NKAIN2: variants seen among roughly 807,000 people sequenced by gnomAD.
NKAIN2 encodes the protein sodium/potassium-transporting ATPase subunit beta-1-interacting protein 2.
In NKAIN2, 14 loss-of-function variants were observed where a neutral mutation model predicts 32.6. The observed-to-expected ratio is 0.43, with a 90% CI of 0.28 to 0.67. The LOEUF (loss-of-function observed/expected upper bound fraction) is 0.67. Among genes scored for constraint, NKAIN2 ranks in the 30% least tolerant of loss-of-function variants. The pLI, the probability that NKAIN2 is intolerant of heterozygous loss-of-function variation, is 0.17. For synonymous variants in NKAIN2, 80 were observed against 87.2 expected (o/e 0.92, Z 0.46); for missense variants, 198 against 258.3 (o/e 0.77, Z 1.60).
intron 4 of NKAIN2, among the ~76,000 whole-genome samples, chr6:124,676,617 A>G (rs1366497686): frequency 6.6e-6 from 1 of 151,930 alleles, no homozygotes; most frequent in East Asian, 1.9e-4. Context: ...ATTTATTTTT[A>G]GAGACAGAGT....
chr6:124,384,914 T>C (rs964548124), intron 3 of NKAIN2, among the ~76,000 whole-genome samples: 1 of 152,182 alleles, frequency 6.6e-6, no homozygotes, highest in African/African-American at 2.4e-5. Flanking sequence ...TGAGCCACTC[T>C]GCCCGTCTCT....
At chr6:124,509,129 G>A (rs953127019) in intron 3 of NKAIN2, among the ~76,000 whole-genome samples, 1 of 152,294 alleles carries the variant, frequency 6.6e-6, no homozygotes, top group South Asian at 2.1e-4. Context: ...TGTAGAAGTA[G>A]TGTGGGATGG....
chr6:124,437,423 C>T (rs1350419792), intron 3 of NKAIN2, among the ~76,000 whole-genome samples: 1 of 152,160 alleles, frequency 6.6e-6, no homozygotes, highest in Non-Finnish European at 1.5e-5. Context: ...TGATCACAAG[C>T]CGTTATGTTC....
At chr6:124,627,813 C>T (rs528489202) in intron 3 of NKAIN2, among the ~76,000 whole-genome samples, 1 of 152,246 alleles carries the variant, frequency 6.6e-6, no homozygotes, top group Admixed American at 6.5e-5. Context: ...CACCTCACCA[C>T]CCCCACGGCG....
chr6:124,809,021 T>C (rs1236295588), intron 5 of NKAIN2, among the ~76,000 whole-genome samples: 2 of 152,112 alleles, frequency 1.3e-5, no homozygotes, highest in African/African-American at 4.8e-5. Context: ...TGCTCATGGG[T>C]AAGAAGAATC....
Position 123,911,807 on chromosome 6 carries a change from A to ATATATATGTGTATATATATATATG in NKAIN2, c.54+107559_54+107560insTGTGTATATATATATATGTATATA, listed in dbSNP as rs1473572416. Among the ~76,000 whole-genome samples, 122 of 103,724 alleles carry ATATATATGTGTATATATATATATG rather than the reference A, an allele frequency of 1.2e-3. 4 individuals carry two copies. Among genetic ancestry groups the ATATATATGTGTATATATATATATG allele is most frequent in the African/African-American group, 5.1e-3 (117 of 22,850 alleles). 68.0% of individuals were successfully genotyped at this position (103,724 alleles called of 152,430 possible). Reference sequence around the variant, plus strand: ...CATATATATATATATATATGTATATATATATACACACACACACACACACAC... The same window carrying ATATATATGTGTATATATATATATG: ...CATATATATATATATATATGTATATATATATATGTGTATATATATATATGTATATACACACACACACACACACAC... On this transcript the variant is annotated intron_variant, in intron 1 of 6. Transcript: ENST00000368417.
intron 3 of NKAIN2, among the ~76,000 whole-genome samples, chr6:124,474,134 G>A (rs569226291): frequency 5.5e-4 from 83 of 151,202 alleles, no homozygotes; most frequent in Non-Finnish European, 1.1e-3. Flanking sequence ...CAGGTTTCTC[G>A]CTCTATCGCC....
chr6:124,151,054 T>G (rs189220713), intron 1 of NKAIN2, among the ~76,000 whole-genome samples: 1 of 152,202 alleles, frequency 6.6e-6, no homozygotes, highest in Admixed American at 6.5e-5. Flanking sequence ...AAATAAACCC[T>G]TTGTCATGTT....
intron 3 of NKAIN2, among the ~76,000 whole-genome samples, chr6:124,564,402 T>C (rs1780821773): frequency 6.6e-6 from 1 of 152,082 alleles, no homozygotes; most frequent in Non-Finnish European, 1.5e-5. Flanking sequence ...CAATGCTCTG[T>C]ATAATGGATC....
intron 4 of NKAIN2, among the ~76,000 whole-genome samples, chr6:124,659,725 C>T (rs1343731818): frequency 6.6e-6 from 1 of 151,976 alleles, no homozygotes; most frequent in East Asian, 1.9e-4. Flanking sequence ...GGAGGGTCTA[C>T]ATGGGCACAC....
chr6:124,730,639 C>G (rs1204977855), intron 4 of NKAIN2, among the ~76,000 whole-genome samples: 3 of 142,338 alleles, frequency 2.1e-5, no homozygotes, highest in Non-Finnish European at 3.1e-5. Flanking sequence ...CCATTCAGGA[C>G]ATAGGCATGG....
chr6:124,540,228 C>T (rs1332217314), intron 3 of NKAIN2, among the ~76,000 whole-genome samples: 1 of 152,106 alleles, frequency 6.6e-6, no homozygotes, highest in African/African-American at 2.4e-5. Context: ...AATTAAATTT[C>T]AAACAAATTC....
chr6:123,844,524 A>T lies in NKAIN2; in HGVS notation c.54+40270A>T, dbSNP rs562007667. Among the ~76,000 whole-genome samples the T allele has an allele frequency of 2.0e-5, 3 of 152,284 alleles. No individual in the cohort carries two copies. In the East Asian group the frequency reaches 5.8e-4, roughly 29 times the overall value. ...CGTCTCCCCTTAATGATCTCTTAGT[A>T]GCTAACCTATACACATGTTTTCTGA... On this transcript the variant is annotated intron_variant, in intron 1 of 6. Coordinates refer to ENST00000368417, the MANE Select transcript of NKAIN2 (RefSeq NM_001040214.3).
chr6:124,739,012 A>C (rs1285377846), intron 4 of NKAIN2, among the ~76,000 whole-genome samples: 2 of 151,864 alleles, frequency 1.3e-5, no homozygotes, highest in African/African-American at 4.8e-5. Flanking sequence ...TATTCTCTTA[A>C]AGTTTTATTT....
intron 4 of NKAIN2, among the ~76,000 whole-genome samples, chr6:124,715,519 G>A (rs376542225): frequency 6.6e-6 from 1 of 152,300 alleles, no homozygotes; most frequent in Admixed American, 6.5e-5. Context: ...GATCTAGGAA[G>A]AATCCATGCC....
At chr6:124,022,504 C>T (rs555513002) in intron 1 of NKAIN2, among the ~76,000 whole-genome samples, 1 of 152,218 alleles carries the variant, frequency 6.6e-6, no homozygotes, top group East Asian at 1.9e-4. Context: ...AGTTTATAGT[C>T]CCACCAACAG....
At chr6:124,821,294 CA>C (rs11320821) in intron 6 of NKAIN2, among the ~76,000 whole-genome samples, 4,426 of 88,716 alleles carry the variant, frequency 0.05, 121 homozygotes, top group Admixed American at 0.13. Context: ...GGCTCTGTCT[CA>C]AAAAAAAAAA....
At chr6:124,789,746 C>T (rs940320478) in intron 4 of NKAIN2, among the ~76,000 whole-genome samples, 2 of 152,022 alleles carry the variant, frequency 1.3e-5, no homozygotes, top group Non-Finnish European at 2.9e-5. Flanking sequence ...ACCTTGATGA[C>T]TCTATTATAT....
chr6:124,329,126 G>T (rs1797548307), intron 2 of NKAIN2, among the ~76,000 whole-genome samples: 1 of 152,084 alleles, frequency 6.6e-6, no homozygotes, highest in Non-Finnish European at 1.5e-5. Context: ...CACTCATCTA[G>T]CACCTCTACC....
Sources: allele counts gnomAD v4.1 joint callset (sites outside exome capture counted in the v4.1 genomes callset), GRCh38; gene constraint gnomAD v4.1.1; transcripts MANE v1.5; gene names NCBI Gene and HGNC (gene_info 2026-07-23, HGNC 2026-07-21).